ACER1: variants seen among roughly 807,000 people sequenced by gnomAD.
The protein encoded by ACER1 is CTB-180A7.3.
ACER1 carries 28 observed loss-of-function variants against 24.9 expected under a neutral mutation model. That is an observed-to-expected ratio of 1.13 (90% CI 0.83 to 1.54). ACER1 has a LOEUF of 1.54. Ranked by LOEUF, ACER1 falls within the 40% of genes most tolerant of loss-of-function variation. The probability of loss-of-function intolerance (pLI) is 0.00; values close to 1 mark genes in which losing one functional copy is unlikely to be tolerated. For synonymous variants in ACER1, 132 were observed against 131.4 expected (o/e 1.00, Z -0.03); for missense variants, 352 against 349.3 (o/e 1.01, Z -0.06).
chr19:6,334,346 C>A (rs1377002358), upstream of ACER1, among the ~76,000 whole-genome samples: 1 of 151,264 alleles, frequency 6.6e-6, no homozygotes, highest in Admixed American at 6.6e-5. Flanking sequence ...CCGTGCCCGG[C>A]CTTTTTTTTT....
intron 1 of ACER1, among the ~76,000 whole-genome samples, chr19:6,319,726 T>C (rs2091620973): frequency 1.3e-5 from 2 of 152,186 alleles, no homozygotes; most frequent in South Asian, 4.2e-4. Context: ...GGGAGCTCTG[T>C]GTGTTTTGCC....
At chr19:6,338,042 C>T (rs1211122356), upstream of ACER1, among the ~76,000 whole-genome samples, 1 of 151,436 alleles carries the variant, frequency 6.6e-6, no homozygotes, top group Admixed American at 6.6e-5. Flanking sequence ...AATTCCACCG[C>T]TGCACTCTAA....
At chr19:6,357,636 A>ATATC in the ACER1 span, among the ~76,000 whole-genome samples, 2,299 of 151,778 alleles carry the variant, frequency 0.015, 54 homozygotes, top group African/African-American at 0.054. Context: ...TCTGGGCGTG[A>ATATC]TGGTGGGTGC....
chr19:6,316,589 G>A (rs1408242819), intron 1 of ACER1, among the ~76,000 whole-genome samples: 2 of 151,928 alleles, frequency 1.3e-5, no homozygotes, highest in Admixed American at 6.6e-5. Context: ...GGGAGGTGGA[G>A]GTGAGTGGAT....
chr19:6,308,277 A>C (rs1045253805), intron 4 of ACER1, among the ~76,000 whole-genome samples: 2 of 151,924 alleles, frequency 1.3e-5, no homozygotes, highest in Admixed American at 1.3e-4. Flanking sequence ...TCTACTAAAA[A>C]TACAAAAATT....
intron 1 of ACER1, among the ~76,000 whole-genome samples, chr19:6,323,402 C>CAGCG (rs1396863381): frequency 6.7e-6 from 1 of 148,744 alleles, no homozygotes; most frequent in East Asian, 2.0e-4. Flanking sequence ...GCCTGGGTGA[C>CAGCG]AGCGAGACTC....
At chr19:6,310,443 T>G (rs987487341) in intron 3 of ACER1, among the ~76,000 whole-genome samples, 18 of 151,990 alleles carry the variant, frequency 1.2e-4, no homozygotes, top group Non-Finnish European at 1.5e-5. Context: ...TGGTAGCAGA[T>G]GCCTGTAATC....
chr19:6,315,284 G>A (rs1892780606), intron 1 of ACER1, among the ~76,000 whole-genome samples: 2 of 151,812 alleles, frequency 1.3e-5, no homozygotes, highest in African/African-American at 4.8e-5. Flanking sequence ...GGTCACTGCA[G>A]CTTCGACATC....
At chr19:6,329,107 C>T (rs1057461542) in intron 1 of ACER1, among the ~76,000 whole-genome samples, 3 of 152,014 alleles carry the variant, frequency 2.0e-5, no homozygotes, top group African/African-American at 7.2e-5. Flanking sequence ...ATGATGGCAC[C>T]ACTCCATCCC....
chr19:6,317,466 C>T (rs928587026), intron 1 of ACER1, among the ~76,000 whole-genome samples: 1 of 152,222 alleles, frequency 6.6e-6, no homozygotes, highest in African/African-American at 2.4e-5. Context: ...CTCTTCTCAG[C>T]CCGTGGCCCT....
At chr19:6,345,854 C>T in the ACER1 span, among the ~76,000 whole-genome samples, 1 of 151,574 alleles carries the variant, frequency 6.6e-6, no homozygotes, top group Non-Finnish European at 1.5e-5. Flanking sequence ...CATGAGCCAC[C>T]ATGCCTGGCA....
chr19:6,310,146 A>G (rs1021314904), intron 3 of ACER1, among the ~76,000 whole-genome samples: 53 of 151,836 alleles, frequency 3.5e-4, no homozygotes, highest in Middle Eastern at 3.4e-3. Flanking sequence ...GGAGTGCAGC[A>G]GTGCGATCTG....
intron 1 of ACER1, among the ~76,000 whole-genome samples, chr19:6,329,008 T>C (rs2091675017): frequency 1.3e-5 from 2 of 151,782 alleles, no homozygotes; most frequent in African/African-American, 2.4e-5. Context: ...ATTAGCTGTG[T>C]TTGGTGGCAT....
chr19:6,326,806 T>A (rs1408343183), intron 1 of ACER1, among the ~76,000 whole-genome samples: 1 of 151,780 alleles, frequency 6.6e-6, no homozygotes, highest in Non-Finnish European at 1.5e-5. Context: ...AATGAATGAG[T>A]CCATCAGTGA....
In ACER1 at chr19:6,306,804, A is replaced by C. The variant is rs144390977; in HGVS notation, c.705T>G (p.Gly235=). 1.5e-4 allele frequency: 249 copies of C among 1,614,096 alleles called. No homozygotes were observed. The African/African-American group carries it at 2.9e-3, about 18-fold the overall frequency. The change falls in exon 6 of 6, where the codon GGT becomes GGG. Residue 235 remains glycine (G), a synonymous_variant. Coordinates refer to ENST00000301452, the MANE Select transcript of ACER1 (RefSeq NM_133492.3). ...GCCAGTAGCGGACTTTGAGGGTTTC[A>C]CCTGGCATCTCATAGTTGGCATCCA... is the stretch of plus-strand genomic sequence containing the variant. ...ALVDANYEMP[G]ETLKVRYWPR... is the part of the protein sequence containing the mutation.
upstream of ACER1, among the ~76,000 whole-genome samples, chr19:6,335,455 C>A (rs1355148494): frequency 6.6e-6 from 1 of 151,830 alleles, no homozygotes; most frequent in Non-Finnish European, 1.5e-5. Flanking sequence ...AAACTCCTGA[C>A]CTTGTGATCT....
the ACER1 span, among the ~76,000 whole-genome samples, chr19:6,344,335 A>G: frequency 2.0e-5 from 3 of 151,348 alleles, no homozygotes; most frequent in Admixed American, 6.6e-5. Flanking sequence ...CCAGCTACTC[A>G]GGAGGCTGAG....
the ACER1 span, among the ~76,000 whole-genome samples, chr19:6,342,258 CTTTTT>C: frequency 8.9e-6 from 1 of 112,140 alleles, no homozygotes; most frequent in Admixed American, 9.4e-5. Flanking sequence ...TATCCTAGTT[CTTTTT>C]TTTTTTTTTT....
At position 6,309,818 on chromosome 19, in the gene ACER1, G is replaced by A. The variant is rs767440360; in HGVS notation, c.367C>T (p.Leu123=). ...LGGNRSQFIR[L]VFITTVVSTL... ...CTGACCACAGTGGTGATGAAGACCA[G>A]GCGGATGAACTGGGACCTGGGGAGG... The change falls in exon 4 of 6, where the codon CTG becomes TTG. Residue 123 remains leucine (L), a synonymous_variant. Transcript: ENST00000301452. 6.2e-6 allele frequency: 10 copies of A among 1,614,098 alleles called. No individual in the cohort carries two copies. In the South Asian group the frequency reaches 1.1e-4, roughly 18 times the overall value.
Sources: gnomAD v4.1 joint callset for allele counts (sites outside exome capture counted in the v4.1 genomes callset) on GRCh38, gnomAD v4.1.1 for gene constraint, MANE v1.5 for transcripts, NCBI Gene and HGNC (gene_info 2026-07-23, HGNC 2026-07-21) for gene names.